The following AMN1 variants were observed in gnomAD, a reference collection of about 807,000 sequenced individuals.
AMN1 encodes antagonist of mitotic exit network 1 homolog, also known as protein AMN1 homolog.
Under a neutral mutation model 33.0 loss-of-function variants are expected in AMN1, and 20 were observed. That is an observed-to-expected ratio of 0.61 (90% CI 0.43 to 0.88). The LOEUF (loss-of-function observed/expected upper bound fraction) is 0.88. Ranked by LOEUF, AMN1 falls within the 40% of genes least tolerant of loss-of-function variation. The pLI, the probability that AMN1 is intolerant of heterozygous loss-of-function variation, is 0.00. For synonymous variants in AMN1, 114 were observed against 111.9 expected, an observed-to-expected ratio of 1.02 and a Z score of -0.12; for missense variants, 246 against 307.4, an observed-to-expected ratio of 0.80 and a Z score of 1.49.
chr12:31,713,423 T>C (rs12813042), intron 1 of AMN1, among the ~76,000 whole-genome samples: 37,983 of 152,196 alleles, frequency 0.25, 5,519 homozygotes, highest in Middle Eastern at 0.34. Context: ...TGCTTGTTGT[T>C]TTATAATAAA....
chr12:31,709,729 T>A (rs562026024), intron 1 of AMN1, among the ~76,000 whole-genome samples: 1 of 152,096 alleles, frequency 6.6e-6, no homozygotes, highest in Non-Finnish European at 1.5e-5. Context: ...CTTGGGAGGC[T>A]GAGGTGGGAG....
At chr12:31,729,045 G>C (rs891435599), upstream of AMN1, 5 of 1,522,838 alleles carry the variant, frequency 3.3e-6, no homozygotes, top group Admixed American at 1.0e-4. Context: ...CGGTCCCAGG[G>C]CCTCCAGAAC....
chr12:31,687,686 CAA>C lies in AMN1; in HGVS notation c.703+1319_703+1320del, dbSNP rs529854333. Among the ~76,000 whole-genome samples the C allele has an allele frequency of 1.0e-4, 11 of 108,200 alleles. No individual in the cohort carries two copies. The highest frequency in any genetic ancestry group is 3.9e-4 in the Admixed American group (4 of 10,348). The allele number at this position is 108,200 out of a possible 152,430, so 71.0% of individuals were successfully genotyped here. ...CGGGTGACAGAGCGAGATTCTGTCT[CAA>C]AAAAAAAAAAAAGAATAATTGGAAT... On this transcript the variant is annotated intron_variant, in intron 6 of 6. Transcript: ENST00000281471. The surrounding 1 kb of genome is among the most constrained non-coding windows in gnomAD (Gnocchi z 4.1).
intron 3 of AMN1, among the ~76,000 whole-genome samples, chr12:31,701,586 C>G (rs1939003976): frequency 1.3e-5 from 2 of 152,186 alleles, no homozygotes; most frequent in South Asian, 4.1e-4. Flanking sequence ...GCTGGAATGA[C>G]TGTCATAAGC....
intron 5 of AMN1, among the ~76,000 whole-genome samples, chr12:31,694,915 C>T (rs1485152992): frequency 1.3e-5 from 2 of 151,970 alleles, no homozygotes; most frequent in Non-Finnish European, 2.9e-5. Flanking sequence ...CCAGCCTGGG[C>T]AACATAAAAA....
At chr12:31,701,825 T>G (rs1231898911) in intron 3 of AMN1, 38 bp downstream of exon 3, 3 of 1,526,518 alleles carry the variant, frequency 2.0e-6, no homozygotes, top group Non-Finnish European at 2.6e-6. Context: ...AGATAGTGAA[T>G]AGTAATCTAC....
chr12:31,679,750 T>C lies in AMN1; in HGVS notation c.704-7373A>G, dbSNP rs140099913. Among the ~76,000 whole-genome samples, 24 of 152,304 alleles carry C rather than the reference T, an allele frequency of 1.6e-4. No individual in the cohort carries two copies. The East Asian group carries it at 4.4e-3, about 28-fold the overall frequency. Reference sequence around the variant, plus strand: ...GATAACTATGAGAAACGGCAATGCATGTCTGCTGTAGGAGATTAGCAAAGG... The same window carrying C: ...GATAACTATGAGAAACGGCAATGCACGTCTGCTGTAGGAGATTAGCAAAGG... On this transcript the variant is annotated intron_variant, in intron 6 of 6. Coordinates refer to ENST00000281471, the MANE Select transcript of AMN1 (RefSeq NM_001113402.2).
chr12:31,696,976 A>C (rs961598324), intron 5 of AMN1, among the ~76,000 whole-genome samples: 20 of 152,124 alleles, frequency 1.3e-4, no homozygotes, highest in African/African-American at 4.8e-4. Flanking sequence ...CAAGAAAAAT[A>C]GGATGACAGG....
At chr12:31,700,793 G>A (rs1268552747) in intron 3 of AMN1, among the ~76,000 whole-genome samples, 4 of 151,804 alleles carry the variant, frequency 2.6e-5, no homozygotes, top group African/African-American at 7.3e-5. Flanking sequence ...CAGTTCAAGC[G>A]ATTCTCCTAC....
chr12:31,672,426 T>C (rs1244478124), intron 6 of AMN1, 49 bp from the exon 7 acceptor site: 1 of 1,311,184 alleles, frequency 7.6e-7, no homozygotes, highest in Non-Finnish European at 1.1e-6. Flanking sequence ...AAAAAATGTT[T>C]AATGTTTCCT....
chr12:31,693,685 G>T (rs1026085958), intron 5 of AMN1, among the ~76,000 whole-genome samples: 1 of 151,868 alleles, frequency 6.6e-6, no homozygotes, highest in African/African-American at 2.4e-5. Context: ...TGGGATTACA[G>T]GCATGCGCCA....
intron 1 of AMN1, among the ~76,000 whole-genome samples, chr12:31,717,935 T>C (rs1027670432): frequency 1.3e-5 from 2 of 152,050 alleles, no homozygotes; most frequent in African/African-American, 4.8e-5. Flanking sequence ...TGTGTTCTCA[T>C]TGTTCAACCT....
intron 1 of AMN1, among the ~76,000 whole-genome samples, chr12:31,722,885 G>T (rs771826286): frequency 6.6e-6 from 1 of 152,082 alleles, no homozygotes; most frequent in Non-Finnish European, 1.5e-5. Flanking sequence ...CGCCTGGCAC[G>T]GTGGCTCACA....
intron 1 of AMN1, chr12:31,715,411 T>A (rs554755254): frequency 1.1e-4 from 23 of 201,932 alleles, no homozygotes; most frequent in African/African-American, 4.9e-4. Context: ...CGTGCTTATC[T>A]TTCTCTGCAA....
intron 6 of AMN1, chr12:31,673,684 C>A: frequency 2.4e-6 from 1 of 411,384 alleles, no homozygotes; most frequent in Non-Finnish European, 4.8e-6. Flanking sequence ...AAGAAAACTG[C>A]AGACAAGGAT....
At chr12:31,712,701 G>A (rs1565779718) in intron 1 of AMN1, among the ~76,000 whole-genome samples, 1 of 152,026 alleles carries the variant, frequency 6.6e-6, no homozygotes, top group South Asian at 2.1e-4. Flanking sequence ...CTGTTGCCAG[G>A]CTGGAGTGCA....
At chr12:31,726,161 CT>C (rs11384337) in intron 1 of AMN1, among the ~76,000 whole-genome samples, 52 of 142,224 alleles carry the variant, frequency 3.7e-4, no homozygotes, top group East Asian at 4.3e-4. Flanking sequence ...AGAGTAATTT[CT>C]TTTTTTTTTT....
chr12:31,687,214 C>A lies in AMN1; in HGVS notation c.703+1793G>T, dbSNP rs1188788252. Among the ~76,000 whole-genome samples the A allele has an allele frequency of 6.6e-6, 1 of 152,076 alleles. No homozygotes were observed. The highest frequency in any genetic ancestry group is 1.5e-5 in the Non-Finnish European group (1 of 68,016). On this transcript the variant is annotated intron_variant, in intron 6 of 6. Transcript: ENST00000281471. This position sits in a 1 kb window ranked among gnomAD's most constrained non-coding sequence, Gnocchi z 4.1. ...CTGGCTCTAGTTTCTTAAGAAATGTCTTTGCATAAAGATCTAATCTTCACT... is the reference window on the plus strand; with the variant it reads ...CTGGCTCTAGTTTCTTAAGAAATGTATTTGCATAAAGATCTAATCTTCACT...
intron 6 of AMN1, among the ~76,000 whole-genome samples, chr12:31,688,616 T>G (rs937792758): frequency 6.6e-6 from 1 of 152,110 alleles, no homozygotes; most frequent in African/African-American, 2.4e-5. Flanking sequence ...GAGACCAGCC[T>G]GGGCAACACG....
Sources: gnomAD v4.1 joint callset for allele counts (sites outside exome capture counted in the v4.1 genomes callset) on GRCh38, gnomAD v4.1.1 for gene constraint, Gnocchi (gnomAD v3.1) non-coding constraint, MANE v1.5 for transcripts, NCBI Gene and HGNC (gene_info 2026-07-23, HGNC 2026-07-21) for gene names.